MAP2K5: variants seen among roughly 807,000 people sequenced by gnomAD.
MAP2K5 encodes the protein mitogen-activated protein kinase kinase 5.
In MAP2K5, 49 loss-of-function variants were observed where a neutral mutation model predicts 83.1. The ratio of observed to expected loss-of-function variants is 0.59; its 90% confidence interval spans 0.47 to 0.75. The LOEUF is 0.75. MAP2K5 is among the 30% of genes least tolerant of loss of function. MAP2K5 has a pLI of 0.00. For synonymous variants in MAP2K5, 202 were observed against 191.8 expected (o/e 1.05, Z -0.44); for missense variants, 457 against 557.5 (o/e 0.82, Z 1.82).
At position 67,786,579 on chromosome 15, in the gene MAP2K5, C is replaced by T. The variant is rs2090422286; in HGVS notation, c.1242+13827C>T. On this transcript the variant is annotated intron_variant, in intron 21 of 21. Coordinates refer to ENST00000178640, the MANE Select transcript of MAP2K5 (RefSeq NM_145160.3). This position sits in a 1 kb window ranked among gnomAD's most constrained non-coding sequence, Gnocchi z 4.7. The stretch of plus-strand genomic sequence containing the variant: ...TGCTGGCTTGGGTGGTGCGGGAGCT[C>T]GGAACAGTGGCCGAGGGGCCGTAGT... 6.6e-6 allele frequency among the ~76,000 whole-genome samples: 1 copy of T among 152,112 alleles called. No homozygotes were observed.
At chr15:67,673,253 A>T (rs992110535) in intron 13 of MAP2K5, among the ~76,000 whole-genome samples, 1 of 151,988 alleles carries the variant, frequency 6.6e-6, no homozygotes, top group Non-Finnish European at 1.5e-5. Context: ...CGGAAGTTGC[A>T]AAAAAATGCA....
intron 3 of MAP2K5, among the ~76,000 whole-genome samples, chr15:67,574,504 G>A (rs1381297802): frequency 4.0e-5 from 6 of 151,678 alleles, no homozygotes; most frequent in Admixed American, 3.3e-4. Context: ...CCCAGGAGGC[G>A]GAAGTTGTAT....
intron 12 of MAP2K5, among the ~76,000 whole-genome samples, chr15:67,663,824 A>G (rs752090850): frequency 1.3e-5 from 2 of 152,146 alleles, no homozygotes; most frequent in Non-Finnish European, 2.9e-5. Flanking sequence ...ACAGTGTGCT[A>G]TGATTGCACC....
chr15:67,620,113 T>C (rs921934153), intron 8 of MAP2K5, among the ~76,000 whole-genome samples: 8 of 152,194 alleles, frequency 5.3e-5, no homozygotes, highest in African/African-American at 1.9e-4. Flanking sequence ...GGCTAACGCC[T>C]GTAATCCCGC....
chr15:67,627,206 C>T (rs2086346033), intron 8 of MAP2K5, among the ~76,000 whole-genome samples: 1 of 152,166 alleles, frequency 6.6e-6, no homozygotes, highest in Non-Finnish European at 1.5e-5. Flanking sequence ...GCGTTGGCTT[C>T]CCAAAGTGCT....
Position 67,769,859 on chromosome 15 carries a change from A to G in MAP2K5, c.1196+196A>G. ...AACGTTATTTACACAAAGGGTCATA[A>G]GCATACTTCAGAGCCTTTTTCCTGA... On this transcript the variant is annotated intron_variant, in intron 20 of 21. Coordinates refer to ENST00000178640, the MANE Select transcript of MAP2K5 (RefSeq NM_145160.3). The surrounding 1 kb of genome is among the most constrained non-coding windows in gnomAD (Gnocchi z 5.2). The G allele has an allele frequency of 1.9e-6, 1 of 524,346 alleles. No individual in the cohort carries two copies. The highest frequency in any genetic ancestry group is 2.7e-5 in the South Asian group (1 of 36,994). The allele number at this position is 524,346 out of a possible 1,614,324, so 32.5% of individuals were successfully genotyped here. A position where few individuals can be genotyped will look rare whatever the true frequency, so the allele number is the denominator to read the frequency against.
rs1262336416 is a variant in MAP2K5 at position 67,735,394 on chromosome 15, C to T, written c.1074+7449C>T. On this transcript the variant is annotated intron_variant, in intron 17 of 21. Coordinates refer to ENST00000178640, the MANE Select transcript of MAP2K5 (RefSeq NM_145160.3). The stretch of plus-strand genomic sequence containing the variant: ...TCCTGTGTTGTTTGAAAGCACTAAC[C>T]TCATGTTGGTTTGATTCTGTAGTAC... Among the ~76,000 whole-genome samples the T allele has an allele frequency of 2.0e-5, 3 of 152,176 alleles. No homozygotes were observed. The East Asian group carries it at 5.8e-4, about 29-fold the overall frequency.
At position 67,738,500 on chromosome 15, in the gene MAP2K5, T is replaced by C. The variant is rs570199384; in HGVS notation, c.1075-9731T>C. Among the ~76,000 whole-genome samples the C allele has an allele frequency of 8.9e-4, 136 of 152,340 alleles. No homozygotes were observed. The highest frequency in any genetic ancestry group is 3.1e-3 in the African/African-American group (131 of 41,588). ...GTGACAAATTAAGTCACTGACAGTA[T>C]ATGATTTCTACCCAAACATACGCAC... On this transcript the variant is annotated intron_variant, in intron 17 of 21. Coordinates refer to ENST00000178640, the MANE Select transcript of MAP2K5 (RefSeq NM_145160.3). This position sits in a 1 kb window ranked among gnomAD's most constrained non-coding sequence, Gnocchi z 4.1.
At chr15:67,673,969 C>T (rs1178441033) in intron 13 of MAP2K5, among the ~76,000 whole-genome samples, 1 of 152,128 alleles carries the variant, frequency 6.6e-6, no homozygotes, top group Admixed American at 6.5e-5. Flanking sequence ...CTGCCCCAGC[C>T]TTCCAAGTAG....
At chr15:67,585,643 A>G (rs1024611106) in intron 4 of MAP2K5, 24 of 458,040 alleles carry the variant, frequency 5.2e-5, no homozygotes, top group Non-Finnish European at 8.4e-5. Flanking sequence ...CTTGATTTTT[A>G]TATGTTTTAA....
chr15:67,623,461 G>T (rs1020969617), intron 8 of MAP2K5, among the ~76,000 whole-genome samples: 2 of 149,622 alleles, frequency 1.3e-5, no homozygotes, highest in Non-Finnish European at 2.9e-5. Flanking sequence ...CCAGTTCTTT[G>T]TTGTTAAAGC....
At chr15:67,554,239 T>C (rs895054365) in intron 2 of MAP2K5, among the ~76,000 whole-genome samples, 1 of 152,098 alleles carries the variant, frequency 6.6e-6, no homozygotes, top group Admixed American at 6.5e-5. Flanking sequence ...TTGTATATTT[T>C]GTAGAGATGG....
chr15:67,691,731 C>T (rs1010056207), intron 13 of MAP2K5, among the ~76,000 whole-genome samples: 25 of 152,104 alleles, frequency 1.6e-4, no homozygotes, highest in African/African-American at 5.3e-4. Flanking sequence ...TTGTCACTGA[C>T]GATGCTTCAC....
Position 67,574,816 on chromosome 15 carries a change from G to A in MAP2K5, c.253-5938G>A, listed in dbSNP as rs145157968. Among the ~76,000 whole-genome samples the A allele has an allele frequency of 8.6e-3, 1,264 of 147,532 alleles. 38 individuals are homozygous for A. Among genetic ancestry groups the A allele is most frequent in the Admixed American group, 0.063 (936 of 14,936 alleles). The stretch of plus-strand genomic sequence containing the variant: ...TGGGAGGCGGATGTTGCACTGAGCC[G>A]AGATCGTACCGCTGCACTCCAGCCT... On this transcript the variant is annotated intron_variant, in intron 3 of 21. Coordinates refer to ENST00000178640, the MANE Select transcript of MAP2K5 (RefSeq NM_145160.3).
intron 16 of MAP2K5, among the ~76,000 whole-genome samples, chr15:67,726,785 C>T (rs1282134070): frequency 1.3e-5 from 2 of 152,206 alleles, no homozygotes; most frequent in Admixed American, 1.3e-4. Context: ...TGTTGCGATT[C>T]TGCTTTGAAA....
rs2084964882 is a variant in MAP2K5, at chr15:67,572,332, T to G, written c.253-8422T>G. On this transcript the variant is annotated intron_variant, in intron 3 of 21. Transcript: ENST00000178640. The surrounding 1 kb of genome is among the most constrained non-coding windows in gnomAD (Gnocchi z 4.2). ...CCCAGGGAAGTGACATGATCATATC[T>G]CATATTGTCAGAGGCATTTGAGCCA... Among the ~76,000 whole-genome samples, 1 of 152,144 alleles carries G rather than the reference T, an allele frequency of 6.6e-6. No homozygotes were observed. The highest frequency in any genetic ancestry group is 2.4e-5 in the African/African-American group (1 of 41,438).
chr15:67,549,208 G>T (rs948539963), intron 1 of MAP2K5: 2 of 1,533,050 alleles, frequency 1.3e-6, no homozygotes, highest in East Asian at 2.4e-5. Context: ...TCCCCAGAGC[G>T]TAGGTGTTCT....
At chr15:67,789,353 CTCT>C (rs886166219) in intron 21 of MAP2K5, among the ~76,000 whole-genome samples, 9 of 152,136 alleles carry the variant, frequency 5.9e-5, no homozygotes, top group Non-Finnish European at 1.2e-4. Context: ...AGAATGTTAG[CTCT>C]TCTTCTTCAT....
intron 16 of MAP2K5, among the ~76,000 whole-genome samples, chr15:67,727,372 C>T (rs945724697): frequency 3.3e-5 from 5 of 152,182 alleles, no homozygotes; most frequent in African/African-American, 1.2e-4. Context: ...GTTCTGACTT[C>T]ACAACCTTGA....
Sources: gnomAD v4.1 joint callset for allele counts (sites outside exome capture counted in the v4.1 genomes callset) on GRCh38, gnomAD v4.1.1 for gene constraint, Gnocchi (gnomAD v3.1) non-coding constraint, MANE v1.5 for transcripts, NCBI Gene and HGNC (gene_info 2026-07-23, HGNC 2026-07-21) for gene names.